Variants in DCC observed in about 807,000 individuals in gnomAD.
DCC encodes the protein netrin receptor DCC.
In DCC, 58 loss-of-function variants were observed where a neutral mutation model predicts 172.5. That is an observed-to-expected ratio of 0.34 (90% CI 0.27 to 0.42). DCC has a LOEUF of 0.42. Among genes scored for constraint, DCC ranks in the 10% least tolerant of loss-of-function variants. The pLI is 1.00. For synonymous variants in DCC, 709 were observed against 644.5 expected, an observed-to-expected ratio of 1.10 and a Z score of -1.52; for missense variants, 1,740 against 1,791.0, an observed-to-expected ratio of 0.97 and a Z score of 0.51.
intron 2 of DCC, among the ~76,000 whole-genome samples, chr18:52,791,917 G>T (rs1021760793): frequency 5.3e-5 from 8 of 152,136 alleles, no homozygotes; most frequent in African/African-American, 1.9e-4. Flanking sequence ...CCATTTTCCT[G>T]CTGATGGGAT....
At chr18:53,168,443 T>A (rs1009522854) in intron 8 of DCC, among the ~76,000 whole-genome samples, 10 of 151,922 alleles carry the variant, frequency 6.6e-5, no homozygotes, top group African/African-American at 2.4e-4. Context: ...GAAACCATCA[T>A]TCTCAGCAAA....
At chr18:53,421,006 C>T (rs77141496) in intron 21 of DCC, among the ~76,000 whole-genome samples, 2,791 of 152,212 alleles carry the variant, frequency 0.018, 79 homozygotes, top group African/African-American at 0.063. Context: ...ATTTGATTTC[C>T]ATTCTTCTAA....
At chr18:53,447,757 CA>C (rs1032548154) in intron 22 of DCC, among the ~76,000 whole-genome samples, 1 of 151,914 alleles carries the variant, frequency 6.6e-6, no homozygotes, top group Admixed American at 6.6e-5. Flanking sequence ...TTATTAAGTA[CA>C]AAAAGGGCAT....
At chr18:52,769,457 A>G (rs909076753) in intron 2 of DCC, among the ~76,000 whole-genome samples, 3 of 152,228 alleles carry the variant, frequency 2.0e-5, no homozygotes, top group African/African-American at 7.2e-5. Context: ...CAATTTTTGT[A>G]TATTTGGTTT....
rs139424800 is a variant in DCC at position 53,491,430 on chromosome 18, T to C, written c.3898+4472T>C. 1.7e-3 allele frequency among the ~76,000 whole-genome samples: 257 copies of C among 152,276 alleles called. 1 individual carries two copies. Among genetic ancestry groups the C allele is most frequent in the African/African-American group, 5.8e-3 (243 of 41,552 alleles). On this transcript the variant is annotated intron_variant, in intron 26 of 28. Coordinates refer to ENST00000442544, the MANE Select transcript of DCC (RefSeq NM_005215.4). ...AGAATGTACAGGTTTGTTACATAGA[T>C]ATACACGTGCCATGGTGGTTTGCTG...
intron 15 of DCC, among the ~76,000 whole-genome samples, chr18:53,344,564 C>T (rs2057701229): frequency 1.3e-5 from 2 of 148,302 alleles, no homozygotes; most frequent in South Asian, 4.3e-4. Context: ...GCCTCAGCTT[C>T]CCAAGTAGCT....
chr18:52,507,159 T>G (rs2144639412), intron 1 of DCC, among the ~76,000 whole-genome samples: 1 of 152,316 alleles, frequency 6.6e-6, no homozygotes, highest in South Asian at 2.1e-4. Context: ...TCCTCCCCTA[T>G]GAGTCTTATT....
intron 15 of DCC, among the ~76,000 whole-genome samples, chr18:53,353,279 G>GAAAA (rs67730754): frequency 7.4e-6 from 1 of 135,046 alleles, no homozygotes; most frequent in Non-Finnish European, 1.6e-5. Context: ...CACTTGAGAG[G>GAAAA]AAAAAAAAAA....
intron 5 of DCC, among the ~76,000 whole-genome samples, chr18:52,940,251 CTCT>C (rs1238634552): frequency 6.6e-6 from 1 of 152,082 alleles, no homozygotes; most frequent in Non-Finnish European, 1.5e-5. Flanking sequence ...AATGATGGAT[CTCT>C]TATTAAAATT....
chr18:53,351,320 G>GTATATA (rs201328758), intron 15 of DCC, among the ~76,000 whole-genome samples: 25 of 29,626 alleles, frequency 8.4e-4, no homozygotes, highest in African/African-American at 2.8e-3. Context: ...TATATACACT[G>GTATATA]TATATATATA....
chr18:52,823,914 G>A (rs549145193), intron 2 of DCC, among the ~76,000 whole-genome samples: 9 of 152,278 alleles, frequency 5.9e-5, no homozygotes, highest in Non-Finnish European at 8.8e-5. Flanking sequence ...ACTAGAGAAG[G>A]TGTAATGCCT....
chr18:52,376,112 T>C lies in DCC; in HGVS notation c.91+35234T>C, dbSNP rs548013603. 1.3e-3 allele frequency among the ~76,000 whole-genome samples: 196 copies of C among 152,324 alleles called. 1 individual carries two copies. The highest frequency in any genetic ancestry group is 4.5e-3 in the African/African-American group (186 of 41,578). On this transcript the variant is annotated intron_variant, in intron 1 of 28. Transcript: ENST00000442544. ...TTTCCTTTATCTGTAGGACGATGGC[T>C]TGAACTAAATCTATTAACTGTCATA...
At chr18:53,169,636 T>C (rs2054982084) in intron 8 of DCC, among the ~76,000 whole-genome samples, 1 of 152,154 alleles carries the variant, frequency 6.6e-6, no homozygotes, top group Non-Finnish European at 1.5e-5. Flanking sequence ...TTCTGCATAT[T>C]TGAAGGGTAA....
intron 1 of DCC, among the ~76,000 whole-genome samples, chr18:52,736,068 A>G (rs2036723401): frequency 1.3e-5 from 2 of 152,122 alleles, no homozygotes; most frequent in Admixed American, 1.3e-4. Context: ...AATAACATAT[A>G]TAAGCAGAAA....
chr18:52,794,960 C>A (rs1428628443), intron 2 of DCC, among the ~76,000 whole-genome samples: 2 of 152,032 alleles, frequency 1.3e-5, no homozygotes, highest in Non-Finnish European at 2.9e-5. Flanking sequence ...ACCATCCTTG[C>A]ATCCCTGAGA....
At position 53,322,088 on chromosome 18, in the gene DCC, A is replaced by G. The variant is rs760811557; in HGVS notation, c.2095A>G (p.Met699Val). 1.2e-6 allele frequency: 2 copies of G among 1,610,106 alleles called. No homozygotes were observed. Among genetic ancestry groups the G allele is most frequent in the African/African-American group, 2.7e-5 (2 of 74,874 alleles). ...TCAGTACAGTTTCCAGGTGTCAGCC[A>G]TGACAGTCAATGGTACTGGACCACC... ...GSQYSFQVSA[M>V]TVNGTGPPSN... The change falls in exon 14 of 29, where the codon ATG (methionine) becomes GTG (valine). Residue 699 changes from methionine (M) to valine (V), a missense_variant. Coordinates refer to ENST00000442544, the MANE Select transcript of DCC (RefSeq NM_005215.4).
chr18:53,311,579 T>A (rs549547249), intron 13 of DCC, among the ~76,000 whole-genome samples: 1 of 152,356 alleles, frequency 6.6e-6, no homozygotes, highest in East Asian at 1.9e-4. Flanking sequence ...TTAGTTCACT[T>A]TATTGTGAGT....
intron 1 of DCC, among the ~76,000 whole-genome samples, chr18:52,414,204 C>G (rs542152269): frequency 1.3e-5 from 2 of 152,188 alleles, no homozygotes; most frequent in South Asian, 2.1e-4. Context: ...CCTCAGCCCC[C>G]CAAGTAGCTG....
chr18:53,403,869 G>C (rs1044791789), intron 19 of DCC, among the ~76,000 whole-genome samples: 1 of 152,162 alleles, frequency 6.6e-6, no homozygotes, highest in Non-Finnish European at 1.5e-5. Context: ...AAGATAACGT[G>C]AAAATTCCAA....
Sources: gnomAD v4.1 joint callset for allele counts (sites outside exome capture counted in the v4.1 genomes callset) on GRCh38, gnomAD v4.1.1 for gene constraint, MANE v1.5 for transcripts, NCBI Gene and HGNC (gene_info 2026-07-23, HGNC 2026-07-21) for gene names.